The following GGNBP2 variants were observed in gnomAD, a reference collection of about 807,000 sequenced individuals.
GGNBP2 encodes gametogenetin-binding protein 2.
GGNBP2 carries 10 observed loss-of-function variants against 85.9 expected under a neutral mutation model. That is an observed-to-expected ratio of 0.12 (90% CI 0.07 to 0.20). The LOEUF is 0.20. Ranked by LOEUF, GGNBP2 falls within the 10% of genes least tolerant of loss-of-function variation. The probability of loss-of-function intolerance (pLI) is 1.00; values close to 1 mark genes in which losing one functional copy is unlikely to be tolerated. For synonymous variants in GGNBP2, 287 were observed against 285.7 expected (o/e 1.00, Z -0.05); for missense variants, 595 against 857.8 (o/e 0.69, Z 3.83).
chr17:36,582,983 G>T (rs2074665650), intron 9 of GGNBP2, among the ~76,000 whole-genome samples: 1 of 152,044 alleles, frequency 6.6e-6, no homozygotes, highest in African/African-American at 2.4e-5. Context: ...TAAAATGAGA[G>T]TGAGAAGAAT....
intron 13 of GGNBP2, among the ~76,000 whole-genome samples, chr17:36,588,350 C>T (rs2074723814): frequency 6.6e-6 from 1 of 152,080 alleles, no homozygotes; most frequent in African/African-American, 2.4e-5. Flanking sequence ...CTCCGCCTCC[C>T]AGGTTCAAGC....
chr17:36,575,434 CTA>C (rs1454239495), intron 6 of GGNBP2: 1 of 168,160 alleles, frequency 5.9e-6, no homozygotes, highest in Non-Finnish European at 1.3e-5. Context: ...AGAGTTTCCC[CTA>C]TGTTTTCTTC....
chr17:36,552,323 C>A (rs1357979699), intron 2 of GGNBP2, among the ~76,000 whole-genome samples: 1 of 152,096 alleles, frequency 6.6e-6, no homozygotes, highest in Non-Finnish European at 1.5e-5. Flanking sequence ...TAATAGTTTT[C>A]TGGACCAGGA....
chr17:36,564,155 G>A (rs1249178778), intron 5 of GGNBP2, among the ~76,000 whole-genome samples: 2 of 152,226 alleles, frequency 1.3e-5, no homozygotes, highest in Non-Finnish European at 2.9e-5. Context: ...TAAATGCAGA[G>A]TACAGGCTAA....
At chr17:36,575,642 A>ATT (rs1341363221) in intron 6 of GGNBP2, among the ~76,000 whole-genome samples, 11 of 51,614 alleles carry the variant, frequency 2.1e-4, no homozygotes, top group African/African-American at 7.0e-4. Flanking sequence ...ATATATATAT[A>ATT]TATATATTTT....
At chr17:36,553,974 A>G (rs562353148) in intron 2 of GGNBP2, among the ~76,000 whole-genome samples, 3 of 152,276 alleles carry the variant, frequency 2.0e-5, no homozygotes, top group African/African-American at 7.2e-5. Flanking sequence ...TAATTGAATA[A>G]GTATATCAAT....
At position 36,556,475 on chromosome 17, in the gene GGNBP2, G is replaced by A. The variant is rs142494697; in HGVS notation, c.175-608G>A. Among the ~76,000 whole-genome samples, 432 of 152,300 alleles carry A rather than the reference G, an allele frequency of 2.8e-3. 1 individual carries two copies. Among genetic ancestry groups the A allele is most frequent in the Non-Finnish European group, 4.6e-3 (315 of 68,024 alleles). On this transcript the variant is annotated intron_variant, in intron 3 of 13. Transcript: ENST00000613102. ...AATCCGAGCACTTTGGGAGGCTGAG[G>A]CGGGTGGATCACAAGGTCAAAAGAT...
intron 6 of GGNBP2, among the ~76,000 whole-genome samples, chr17:36,571,489 C>T (rs955451878): frequency 4.0e-5 from 6 of 151,378 alleles, no homozygotes; most frequent in African/African-American, 9.7e-5. Context: ...GTGGAGGTTG[C>T]GGTGAGCCAA....
At chr17:36,579,475 G>T in intron 8 of GGNBP2, 56 bp downstream of exon 8, 2 of 1,462,536 alleles carry the variant, frequency 1.4e-6, no homozygotes, top group East Asian at 4.5e-5. Context: ...TTATTGGACT[G>T]AATCTTAATG....
intron 4 of GGNBP2, 37 bp downstream of exon 4, chr17:36,557,373 A>C (rs2074372911): frequency 6.4e-7 from 1 of 1,565,752 alleles, no homozygotes; most frequent in Non-Finnish European, 8.7e-7. Context: ...GGGTTTGTTA[A>C]AATTTAAAAC....
intron 6 of GGNBP2, among the ~76,000 whole-genome samples, chr17:36,575,867 G>A (rs772751238): frequency 2.0e-5 from 3 of 149,688 alleles, no homozygotes; most frequent in Non-Finnish European, 3.0e-5. Context: ...GGCTGATCTC[G>A]AACTCCTGAG....
At chr17:36,562,259 T>C (rs2074424880) in intron 5 of GGNBP2, among the ~76,000 whole-genome samples, 2 of 152,042 alleles carry the variant, frequency 1.3e-5, no homozygotes, top group South Asian at 2.1e-4. Context: ...CTCTGCCTCT[T>C]GGGTTCAAGC....
intron 10 of GGNBP2, 131 bp from the exon 11 acceptor site, chr17:36,585,709 T>G (rs1488338272): frequency 1.3e-6 from 1 of 766,168 alleles, no homozygotes; most frequent in African/African-American, 1.8e-5. Flanking sequence ...AAAAAAATCC[T>G]TCATTGGAAA....
chr17:36,575,613 C>CACATATATAT, intron 6 of GGNBP2, among the ~76,000 whole-genome samples: 1 of 66,948 alleles, frequency 1.5e-5, no homozygotes, highest in Non-Finnish European at 2.4e-5. Flanking sequence ...TCTAATGTAA[C>CACATATATAT]ATATATATAT....
At position 36,587,075 on chromosome 17, in the gene GGNBP2, C is replaced by T. The variant is rs374502070; in HGVS notation, c.1720C>T (p.Arg574Cys). Residue 574 changes from arginine (R) to cysteine (C), a missense_variant, in exon 13 of 14, where the codon CGT (arginine) becomes TGT (cysteine). Transcript: ENST00000613102. ...SGNTMHTVFH[R>C]DKTKDTHPES... ...AAATACCATGCACACAGTGTTTCAC[C>T]GTGACAAGACCAAAGATACACATCC... is the stretch of plus-strand genomic sequence containing the variant. 34 of 1,613,692 alleles carry T rather than the reference C, an allele frequency of 2.1e-5. No homozygotes were observed. The highest frequency in any genetic ancestry group is 1.8e-4 in the South Asian group (16 of 91,070).
chr17:36,563,817 C>T (rs12452115), intron 5 of GGNBP2, among the ~76,000 whole-genome samples: 247 of 150,472 alleles, frequency 1.6e-3, no homozygotes, highest in African/African-American at 5.2e-3. Flanking sequence ...GATCTCGGCT[C>T]ACTGCAACCT....
chr17:36,575,974 A>G (rs1343024470), intron 6 of GGNBP2, among the ~76,000 whole-genome samples: 1 of 151,012 alleles, frequency 6.6e-6, no homozygotes, highest in African/African-American at 2.4e-5. Context: ...AAACATTGTT[A>G]TCTACTATTG....
chr17:36,554,721 G>A (rs371706404), intron 2 of GGNBP2, 99 bp from the exon 3 acceptor site: 2 of 821,054 alleles, frequency 2.4e-6, no homozygotes, highest in South Asian at 1.4e-5. Flanking sequence ...AGGGATGGGT[G>A]CAAATCTGGC....
chr17:36,585,057 T>C (rs2074687179), intron 9 of GGNBP2, among the ~76,000 whole-genome samples: 1 of 152,238 alleles, frequency 6.6e-6, no homozygotes, highest in Non-Finnish European at 1.5e-5. Context: ...AATATCTTTT[T>C]GTGAGAGCGC....
Sources: gnomAD v4.1 joint callset for allele counts (sites outside exome capture counted in the v4.1 genomes callset) on GRCh38, gnomAD v4.1.1 for gene constraint, MANE v1.5 for transcripts, NCBI Gene and HGNC (gene_info 2026-07-23, HGNC 2026-07-21) for gene names.